Variants in SH2D4B observed in about 807,000 individuals in gnomAD.
SH2D4B encodes SH2 domain containing 4B, also known as SH2 domain-containing protein 4B.
In SH2D4B, 45 loss-of-function variants were observed where a neutral mutation model predicts 61.5. The ratio of observed to expected loss-of-function variants is 0.73; its 90% CI spans 0.58 to 0.94. The LOEUF is 0.94. Among genes scored for constraint, SH2D4B ranks in the 40% least tolerant of loss-of-function variants. The probability of loss-of-function intolerance (pLI) is 0.00; values close to 1 mark genes in which losing one functional copy is unlikely to be tolerated. For missense variants in SH2D4B, 572 were observed against 574.2 expected (o/e 1.00, Z 0.04); for synonymous variants, 224 against 220.4 (o/e 1.02, Z -0.14).
chr10:80,618,460 G>C (rs1281633638), intron 6 of SH2D4B, among the ~76,000 whole-genome samples: 7 of 152,146 alleles, frequency 4.6e-5, no homozygotes, highest in African/African-American at 1.7e-4. Flanking sequence ...TGAGCAGTTA[G>C]CCATGGTTAA....
intron 1 of SH2D4B, among the ~76,000 whole-genome samples, chr10:80,544,567 G>A (rs543040132): frequency 2.4e-4 from 37 of 152,372 alleles, no homozygotes; most frequent in African/African-American, 8.2e-4. Context: ...AACCTTGCCT[G>A]CTGGGCTTGG....
chr10:80,597,899 G>T (rs543301006), intron 4 of SH2D4B, among the ~76,000 whole-genome samples: 1 of 152,244 alleles, frequency 6.6e-6, no homozygotes, highest in African/African-American at 2.4e-5. Context: ...GGCAGCCTGG[G>T]GTTCTGGTGA....
chr10:80,639,884 G>T (rs746181438), intron 7 of SH2D4B, among the ~76,000 whole-genome samples: 1 of 152,146 alleles, frequency 6.6e-6, no homozygotes, highest in Non-Finnish European at 1.5e-5. Flanking sequence ...TCGTAGCATC[G>T]ATGGTCTTTA....
chr10:80,589,664 T>C (rs1842303110), intron 4 of SH2D4B, among the ~76,000 whole-genome samples: 1 of 152,202 alleles, frequency 6.6e-6, no homozygotes, highest in Admixed American at 6.5e-5. Flanking sequence ...GACAGATATA[T>C]AGACTAAGGG....
intron 1 of SH2D4B, among the ~76,000 whole-genome samples, chr10:80,555,165 G>T (rs12269602): frequency 6.6e-6 from 1 of 152,070 alleles, no homozygotes; most frequent in Non-Finnish European, 1.5e-5. Context: ...GTGTGCTTCC[G>T]CTATGAGAGA....
chr10:80,594,436 C>G (rs1365446182), intron 4 of SH2D4B, among the ~76,000 whole-genome samples: 2 of 152,066 alleles, frequency 1.3e-5, no homozygotes, highest in Non-Finnish European at 2.9e-5. Context: ...AGATATTGGT[C>G]TGCAGTTTTA....
intron 2 of SH2D4B, 66 bp from the exon 3 acceptor site, chr10:80,571,365 A>G: frequency 1.3e-6 from 2 of 1,520,832 alleles, no homozygotes; most frequent in South Asian, 2.5e-5. Context: ...TTTTATTTCA[A>G]GTTCTATTGT....
Position 80,539,666 on chromosome 10 carries a change from C to T in SH2D4B, c.184+1151C>T, listed in dbSNP as rs541643862. 5.9e-5 allele frequency among the ~76,000 whole-genome samples: 9 copies of T among 152,282 alleles called. No individual in the cohort carries two copies. In the South Asian group the frequency reaches 6.2e-4, roughly 11 times the overall value. On this transcript the variant is annotated intron_variant, in intron 1 of 7. Transcript: ENST00000646907. The surrounding 1 kb of genome is among the most constrained non-coding windows in gnomAD (Gnocchi z 4.9). ...GTGGCTGCCTGGCATGTAGGACCCA[C>T]GCCTGCCCTGGCATTTGCCACCCTG...
At chr10:80,614,112 C>A (rs1842632638) in intron 6 of SH2D4B, among the ~76,000 whole-genome samples, 1 of 152,148 alleles carries the variant, frequency 6.6e-6, no homozygotes. Flanking sequence ...CTAAAAAGGT[C>A]AAAACTGGGC....
chr10:80,579,017 G>A (rs1223596948), intron 3 of SH2D4B, among the ~76,000 whole-genome samples: 8 of 152,208 alleles, frequency 5.3e-5, no homozygotes, highest in African/African-American at 1.9e-4. Flanking sequence ...GAGCTGGGGA[G>A]GGTGTGCAGA....
intron 3 of SH2D4B, among the ~76,000 whole-genome samples, chr10:80,587,142 TTTTGTTTTG>T (rs1842265829): frequency 3.7e-5 from 2 of 53,608 alleles, no homozygotes; most frequent in African/African-American, 2.2e-4. Flanking sequence ...TTTTTTTTTT[TTTTGTTTTG>T]TTTTTTTTTT....
At chr10:80,608,035 T>C (rs888770962) in intron 5 of SH2D4B, among the ~76,000 whole-genome samples, 1 of 152,228 alleles carries the variant, frequency 6.6e-6, no homozygotes, top group African/African-American at 2.4e-5. Context: ...TAGCTGGGAA[T>C]ACAAGTGCCT....
At chr10:80,612,080 A>G (rs917788413) in intron 6 of SH2D4B, among the ~76,000 whole-genome samples, 3 of 151,598 alleles carry the variant, frequency 2.0e-5, no homozygotes, top group Admixed American at 6.6e-5. Flanking sequence ...AAAATGTCCT[A>G]TCTTTTATGA....
At chr10:80,587,746 T>C (rs1273392590) in intron 3 of SH2D4B, among the ~76,000 whole-genome samples, 1 of 152,170 alleles carries the variant, frequency 6.6e-6, no homozygotes, top group Non-Finnish European at 1.5e-5. Flanking sequence ...CGTCTCCCTG[T>C]CTCCCACTTG....
intron 6 of SH2D4B, among the ~76,000 whole-genome samples, chr10:80,613,566 CCT>C (rs1842626545): frequency 6.6e-6 from 1 of 152,182 alleles, no homozygotes; most frequent in African/African-American, 2.4e-5. Context: ...TCCATGTGAC[CCT>C]GCTCAGGTGC....
intron 6 of SH2D4B, among the ~76,000 whole-genome samples, chr10:80,628,323 T>A (rs1465725386): frequency 1.3e-5 from 2 of 152,080 alleles, no homozygotes; most frequent in Non-Finnish European, 2.9e-5. Flanking sequence ...AGCAAATAAG[T>A]CTCATGAGAT....
intron 1 of SH2D4B, among the ~76,000 whole-genome samples, chr10:80,567,633 G>T (rs758393758): frequency 6.6e-6 from 1 of 152,222 alleles, no homozygotes; most frequent in South Asian, 2.1e-4. Context: ...AGTGGAGAAC[G>T]TGAGAGCCAC....
intron 1 of SH2D4B, among the ~76,000 whole-genome samples, chr10:80,567,143 T>C (rs1841980244): frequency 6.6e-6 from 1 of 152,192 alleles, no homozygotes; most frequent in Non-Finnish European, 1.5e-5. Flanking sequence ...CCACCATTTA[T>C]TTCCAGCTGG....
intron 4 of SH2D4B, among the ~76,000 whole-genome samples, chr10:80,590,441 G>A (rs919742432): frequency 2.6e-5 from 4 of 152,180 alleles, no homozygotes; most frequent in Non-Finnish European, 4.4e-5. Context: ...TCCAGAATCA[G>A]AAAGGCCTCA....
Sources: allele counts gnomAD v4.1 joint callset (sites outside exome capture counted in the v4.1 genomes callset), GRCh38; gene constraint gnomAD v4.1.1; non-coding constraint Gnocchi (gnomAD v3.1); transcripts MANE v1.5; gene names NCBI Gene and HGNC (gene_info 2026-07-23, HGNC 2026-07-21).